LMTK2: variants seen among roughly 807,000 people sequenced by gnomAD.
LMTK2 encodes serine/threonine-protein kinase LMTK2.
A neutral mutation model predicts 127.5 loss-of-function variants in LMTK2; 37 were observed. That is an observed-to-expected ratio of 0.29 (90% CI 0.22 to 0.38). The LOEUF is 0.38. Ranked by LOEUF, LMTK2 falls within the 10% of genes least tolerant of loss-of-function variation. LMTK2 has a pLI of 1.00. For missense variants in LMTK2, 1,694 were observed against 1,920.3 expected (o/e 0.88, Z 2.20); for synonymous variants, 819 against 810.1 (o/e 1.01, Z -0.19).
chr7:98,138,235 G>A (rs970504979), intron 2 of LMTK2, among the ~76,000 whole-genome samples: 9 of 152,176 alleles, frequency 5.9e-5, no homozygotes, highest in African/African-American at 1.4e-4. Flanking sequence ...CCTGTTGACC[G>A]CGCAGGGCTG....
chr7:98,174,907 C>T (rs1797253372), intron 7 of LMTK2, among the ~76,000 whole-genome samples: 1 of 152,148 alleles, frequency 6.6e-6, no homozygotes, highest in Non-Finnish European at 1.5e-5. Context: ...CACTACCGCC[C>T]CAGCAGGAGA....
chr7:98,205,649 C>G lies in LMTK2; in HGVS notation c.*157C>G. 3.8e-6 allele frequency: 3 copies of G among 795,746 alleles called. No homozygotes were observed. The highest frequency in any genetic ancestry group is 6.1e-6 in the Non-Finnish European group (3 of 495,826). 49.3% of individuals were successfully genotyped at this position (795,746 alleles called of 1,614,324 possible). A position where few individuals can be genotyped will look rare whatever the true frequency, so the allele number is the denominator to read the frequency against. On this transcript the variant is annotated 3_prime_UTR_variant, in exon 14 of 14. Coordinates refer to ENST00000297293, the MANE Select transcript of LMTK2 (RefSeq NM_014916.4). Reference sequence around the variant, plus strand: ...GAGGGAGACGGCTCTTAGCTGCGTTCAAGGCGGGGCCCTCGGGAGCCCAGG... The same window carrying G: ...GAGGGAGACGGCTCTTAGCTGCGTTGAAGGCGGGGCCCTCGGGAGCCCAGG...
At chr7:98,154,910 A>G (rs761862330) in intron 5 of LMTK2, 34 bp downstream of exon 5, 3 of 1,241,466 alleles carry the variant, frequency 2.4e-6, no homozygotes, top group South Asian at 2.4e-5. Flanking sequence ...CTGTAAGACT[A>G]GTCTGTGGTC....
At chr7:98,137,224 C>G in intron 1 of LMTK2, 91 bp from the exon 2 acceptor site, 1 of 1,208,656 alleles carries the variant, frequency 8.3e-7, no homozygotes, top group Middle Eastern at 2.7e-4. Context: ...CCCTTACACC[C>G]ATTTGTATGT....
chr7:98,163,941 G>T (rs567446574), intron 6 of LMTK2, among the ~76,000 whole-genome samples: 1 of 152,218 alleles, frequency 6.6e-6, no homozygotes, highest in African/African-American at 2.4e-5. Flanking sequence ...GGTCAAGAGC[G>T]ATTGAATGAA....
chr7:98,126,075 C>T (rs1796440008), intron 1 of LMTK2, among the ~76,000 whole-genome samples: 1 of 152,204 alleles, frequency 6.6e-6, no homozygotes, highest in Admixed American at 6.5e-5. Context: ...AGAACATAGA[C>T]TCCATCGAGG....
chr7:98,179,444 T>G (rs1202984557), intron 7 of LMTK2, among the ~76,000 whole-genome samples: 1 of 152,178 alleles, frequency 6.6e-6, no homozygotes, highest in African/African-American at 2.4e-5. Flanking sequence ...GAGGTGGTCG[T>G]TGGTGGTGCC....
At chr7:98,132,584 A>G (rs1796537188) in intron 1 of LMTK2, among the ~76,000 whole-genome samples, 2 of 152,044 alleles carry the variant, frequency 1.3e-5, no homozygotes, top group African/African-American at 4.8e-5. Flanking sequence ...AAAGAGAAAG[A>G]TTGAAGTATC....
chr7:98,128,645 T>G (rs1447476841), intron 1 of LMTK2, among the ~76,000 whole-genome samples: 1 of 152,160 alleles, frequency 6.6e-6, no homozygotes, highest in African/African-American at 2.4e-5. Flanking sequence ...GGCATAGAGG[T>G]CCGAGGGCTG....
intron 12 of LMTK2, 75 bp from the exon 13 acceptor site, chr7:98,203,869 G>A (rs1467263753): frequency 1.3e-5 from 20 of 1,590,778 alleles, no homozygotes; most frequent in South Asian, 3.3e-5. Flanking sequence ...CCTGCAGGGC[G>A]CACCTGCCCA....
At chr7:98,135,122 CCTGATCTTCA>C (rs1451626957) in intron 1 of LMTK2, among the ~76,000 whole-genome samples, 2 of 152,054 alleles carry the variant, frequency 1.3e-5, no homozygotes, top group Non-Finnish European at 2.9e-5. Flanking sequence ...TTTAGACTTC[CCTGATCTTCA>C]CTGAAGCTTA....
rs563555619 is a variant in LMTK2 at position 98,180,491 on chromosome 7, G to C, written c.792-4560G>C. Among the ~76,000 whole-genome samples the C allele has an allele frequency of 1.8e-4, 28 of 152,306 alleles. 1 individual carries two copies. In the East Asian group the frequency reaches 5.2e-3, roughly 28 times the overall value. On this transcript the variant is annotated intron_variant, in intron 7 of 13. Transcript: ENST00000297293. Reference sequence around the variant, plus strand: ...ACTTAATCTGTTGTCTGTGTGGAAAGTTCCTTTAGAAAAAGTAGTTTTTAC... The same window carrying C: ...ACTTAATCTGTTGTCTGTGTGGAAACTTCCTTTAGAAAAAGTAGTTTTTAC...
intron 1 of LMTK2, among the ~76,000 whole-genome samples, chr7:98,107,689 G>A (rs1414689227): frequency 6.6e-6 from 1 of 152,152 alleles, no homozygotes; most frequent in African/African-American, 2.4e-5. Flanking sequence ...AAATGCAAAT[G>A]ACTTGGCGAG....
intron 1 of LMTK2, among the ~76,000 whole-genome samples, chr7:98,133,099 G>T (rs1447653034): frequency 6.6e-6 from 1 of 152,210 alleles, no homozygotes; most frequent in African/African-American, 2.4e-5. Flanking sequence ...CACAGAATGT[G>T]CTGTAGACAT....
intron 7 of LMTK2, among the ~76,000 whole-genome samples, chr7:98,172,564 C>G (rs1469201582): frequency 6.6e-6 from 1 of 152,120 alleles, no homozygotes; most frequent in Admixed American, 6.5e-5. Context: ...CTCCTCTAGG[C>G]TTTTGAGCTG....
At chr7:98,162,160 C>G (rs1315913774) in intron 6 of LMTK2, among the ~76,000 whole-genome samples, 6 of 152,098 alleles carry the variant, frequency 3.9e-5, no homozygotes, top group African/African-American at 1.4e-4. Context: ...TGTTTTAATG[C>G]TATTTTAATG....
At chr7:98,195,076 T>C (rs923428868) in intron 11 of LMTK2, among the ~76,000 whole-genome samples, 2 of 152,190 alleles carry the variant, frequency 1.3e-5, no homozygotes, top group African/African-American at 4.8e-5. Flanking sequence ...AGACACACGG[T>C]CTTGCTATGT....
chr7:98,171,100 T>C lies in LMTK2; in HGVS notation c.658-441T>C, dbSNP rs532924129. On this transcript the variant is annotated intron_variant, in intron 6 of 13. Coordinates refer to ENST00000297293, the MANE Select transcript of LMTK2 (RefSeq NM_014916.4). The surrounding 1 kb of genome is among the most constrained non-coding windows in gnomAD (Gnocchi z 5.1). Reference sequence around the variant, plus strand: ...TTTTCTTTCCTTCTCTCCCGCTCCATTGCTCCTCCAAGCTTTGGCAGTAAC... The same window carrying C: ...TTTTCTTTCCTTCTCTCCCGCTCCACTGCTCCTCCAAGCTTTGGCAGTAAC... Among the ~76,000 whole-genome samples the C allele has an allele frequency of 6.6e-6, 1 of 152,278 alleles. No individual in the cohort carries two copies. The highest frequency in any genetic ancestry group is 2.1e-4 in the South Asian group (1 of 4,822).
At position 98,171,731 on chromosome 7, in the gene LMTK2, G is replaced by T; in HGVS notation, c.791+57G>T. On this transcript the variant is annotated intron_variant, in intron 7 of 13. Transcript: ENST00000297293. The surrounding 1 kb of genome is among the most constrained non-coding windows in gnomAD (Gnocchi z 5.1). The stretch of plus-strand genomic sequence containing the variant: ...CACAGCACCGGCGGGACAGTCCAGA[G>T]AGGCTGCCGAGTTTGTGAAACTTAA... The T allele has an allele frequency of 1.3e-6, 2 of 1,484,892 alleles. No individual in the cohort carries two copies. Among genetic ancestry groups the T allele is most frequent in the Non-Finnish European group, 1.8e-6 (2 of 1,123,474 alleles). 92.0% of individuals were successfully genotyped at this position (1,484,892 alleles called of 1,614,324 possible).
Sources: gnomAD v4.1 joint callset for allele counts (sites outside exome capture counted in the v4.1 genomes callset) on GRCh38, gnomAD v4.1.1 for gene constraint, Gnocchi (gnomAD v3.1) non-coding constraint, MANE v1.5 for transcripts, NCBI Gene and HGNC (gene_info 2026-07-23, HGNC 2026-07-21) for gene names.